The following MAML3 variants were observed in gnomAD, a reference collection of about 807,000 sequenced individuals.
MAML3 encodes mastermind-like protein 3.
In MAML3, 27 loss-of-function variants were observed where a neutral mutation model predicts 101.9. The ratio of observed to expected loss-of-function variants is 0.27; its 90% CI spans 0.20 to 0.37. The LOEUF (loss-of-function observed/expected upper bound fraction) is 0.37. Ranked by LOEUF, MAML3 falls within the 10% of genes least tolerant of loss-of-function variation. MAML3 has a pLI of 1.00. For missense variants in MAML3, 1,316 were observed against 1,444.9 expected (o/e 0.91, Z 1.45); for synonymous variants, 501 against 555.9 (o/e 0.90, Z 1.39).
At chr4:139,876,997 T>C (rs1259575792) in intron 2 of MAML3, among the ~76,000 whole-genome samples, 1 of 152,136 alleles carries the variant, frequency 6.6e-6, no homozygotes, top group Non-Finnish European at 1.5e-5. Flanking sequence ...CCCAAACATC[T>C]CAGATCTAAG....
intron 1 of MAML3, among the ~76,000 whole-genome samples, chr4:139,897,583 A>G (rs751473500): frequency 6.6e-6 from 1 of 152,154 alleles, no homozygotes; most frequent in African/African-American, 2.4e-5. Flanking sequence ...TCTTCCGCCC[A>G]CAATGCCACT....
chr4:140,118,456 A>T (rs1197666955), intron 1 of MAML3, among the ~76,000 whole-genome samples: 1 of 152,170 alleles, frequency 6.6e-6, no homozygotes, highest in East Asian at 1.9e-4. Context: ...TAAACAATGA[A>T]AATGAGGATG....
intron 1 of MAML3, among the ~76,000 whole-genome samples, chr4:140,063,143 A>G (rs976422945): frequency 2.0e-5 from 3 of 152,322 alleles, no homozygotes; most frequent in Admixed American, 6.5e-5. Context: ...CCATAGGGCT[A>G]TTAAGAAGCA....
chr4:140,142,470 C>A (rs140441117), intron 1 of MAML3, among the ~76,000 whole-genome samples: 1 of 152,180 alleles, frequency 6.6e-6, no homozygotes, highest in South Asian at 2.1e-4. Flanking sequence ...AAGTCCCTGT[C>A]CCTCTCCAAT....
chr4:140,074,203 A>AAGAGAGAGAGAGAGAGAAAGAAAG (rs1727720984), intron 1 of MAML3, among the ~76,000 whole-genome samples: 3 of 97,338 alleles, frequency 3.1e-5, no homozygotes, highest in South Asian at 4.1e-4. Context: ...AAGAAAGAGA[A>AAGAGAGAGAGAGAGAGAAAGAAAG]AGAAAGAAAG....
chr4:139,891,624 A>C (rs1310670245), intron 1 of MAML3, among the ~76,000 whole-genome samples: 1 of 152,200 alleles, frequency 6.6e-6, no homozygotes, highest in Non-Finnish European at 1.5e-5. Context: ...AACGATGTTA[A>C]TACCTATCCC....
At chr4:140,038,214 G>T (rs965821950) in intron 1 of MAML3, among the ~76,000 whole-genome samples, 1 of 145,290 alleles carries the variant, frequency 6.9e-6, no homozygotes, top group African/African-American at 2.4e-5. Flanking sequence ...CAAAACCACA[G>T]AACCACAGAA....
chr4:139,822,831 C>A (rs941558235), intron 2 of MAML3, among the ~76,000 whole-genome samples: 1 of 152,128 alleles, frequency 6.6e-6, no homozygotes, highest in African/African-American at 2.4e-5. Flanking sequence ...CTTTTTCCAC[C>A]AAATTGATGA....
At chr4:139,944,336 C>G (rs566109170) in intron 1 of MAML3, among the ~76,000 whole-genome samples, 1 of 152,120 alleles carries the variant, frequency 6.6e-6, no homozygotes, top group African/African-American at 2.4e-5. Flanking sequence ...CCCTTCCCCC[C>G]ATCCCACCAC....
At chr4:140,104,002 A>G (rs28649819) in intron 1 of MAML3, among the ~76,000 whole-genome samples, 2,994 of 152,190 alleles carry the variant, frequency 0.02, 83 homozygotes, top group African/African-American at 0.065. Context: ...TTTCTCCACT[A>G]TTCTCTCAGT....
At chr4:140,040,631 GA>G (rs1462967371) in intron 1 of MAML3, among the ~76,000 whole-genome samples, 1 of 152,210 alleles carries the variant, frequency 6.6e-6, no homozygotes, top group Non-Finnish European at 1.5e-5. Context: ...AGGGTACGGT[GA>G]TGAACAAAAG....
chr4:139,751,162 C>G (rs974550545), intron 2 of MAML3, among the ~76,000 whole-genome samples: 1 of 152,214 alleles, frequency 6.6e-6, no homozygotes, highest in African/African-American at 2.4e-5. Flanking sequence ...AAAAATATCT[C>G]TCCCATGTCC....
intron 2 of MAML3, among the ~76,000 whole-genome samples, chr4:139,828,534 C>T (rs747199909): frequency 2.0e-5 from 3 of 152,110 alleles, no homozygotes; most frequent in Non-Finnish European, 4.4e-5. Context: ...TGGAACTCCA[C>T]GGAATAAACA....
intron 1 of MAML3, among the ~76,000 whole-genome samples, chr4:139,894,995 C>G (rs1560828684): frequency 6.6e-6 from 1 of 152,136 alleles, no homozygotes; most frequent in Non-Finnish European, 1.5e-5. Flanking sequence ...TTAGAAAGTC[C>G]AAGTCCATGA....
chr4:139,956,870 G>A (rs1459850868), intron 1 of MAML3, among the ~76,000 whole-genome samples: 1 of 152,160 alleles, frequency 6.6e-6, no homozygotes, highest in African/African-American at 2.4e-5. Flanking sequence ...CCAGGAGAAG[G>A]GCTTCCTGAC....
At chr4:140,086,110 A>C (rs1297796747) in intron 1 of MAML3, among the ~76,000 whole-genome samples, 3 of 152,202 alleles carry the variant, frequency 2.0e-5, no homozygotes, top group African/African-American at 7.2e-5. Flanking sequence ...GGCCCTCCTC[A>C]AATGTTTGTT....
intron 1 of MAML3, among the ~76,000 whole-genome samples, chr4:139,913,511 T>C (rs1192036799): frequency 3.3e-5 from 5 of 152,162 alleles, no homozygotes; most frequent in Admixed American, 6.5e-5. Flanking sequence ...TTGAGTTTCA[T>C]GGGGGAAAAG....
chr4:140,149,899 T>G (rs1729126098), intron 1 of MAML3, among the ~76,000 whole-genome samples: 1 of 151,922 alleles, frequency 6.6e-6, no homozygotes, highest in South Asian at 2.1e-4. Flanking sequence ...TTAAACTAAT[T>G]ATTTTAAAAG....
chr4:139,898,183 C>T (rs1402845176), intron 1 of MAML3, among the ~76,000 whole-genome samples: 1 of 152,196 alleles, frequency 6.6e-6, no homozygotes, highest in Non-Finnish European at 1.5e-5. Flanking sequence ...TCTCAAATAA[C>T]CACAATGAGT....
Sources: allele counts gnomAD v4.1 joint callset (sites outside exome capture counted in the v4.1 genomes callset), GRCh38; gene constraint gnomAD v4.1.1; transcripts MANE v1.5; gene names NCBI Gene and HGNC (gene_info 2026-07-23, HGNC 2026-07-21).